PRKCA: variants seen among roughly 807,000 people sequenced by gnomAD.
The protein encoded by PRKCA is protein kinase C alpha type.
PRKCA carries 27 observed loss-of-function variants against 87.0 expected under a neutral mutation model. The observed-to-expected ratio is 0.31, with a 90% CI of 0.23 to 0.43. The LOEUF (loss-of-function observed/expected upper bound fraction) is 0.43. PRKCA is among the 20% of genes least tolerant of loss of function. PRKCA has a pLI of 1.00. For missense variants in PRKCA, 518 were observed against 852.3 expected (o/e 0.61, Z 4.88); for synonymous variants, 329 against 311.1 (o/e 1.06, Z -0.61).
chr17:66,677,271 GT>G (rs1226222891), intron 5 of PRKCA: 1 of 152,122 alleles, frequency 6.6e-6, no homozygotes, highest in African/African-American at 2.4e-5. Context: ...ATAGAGACGA[GT>G]TTTCACCGTG....
At chr17:66,736,783 T>A (rs908607827) in intron 10 of PRKCA, among the ~76,000 whole-genome samples, 4 of 151,982 alleles carry the variant, frequency 2.6e-5, no homozygotes, top group Non-Finnish European at 5.9e-5. Flanking sequence ...CACGTGAAAA[T>A]TAGGTCAAAT....
At chr17:66,515,950 G>T (rs913422548) in intron 3 of PRKCA, among the ~76,000 whole-genome samples, 2 of 151,998 alleles carry the variant, frequency 1.3e-5, no homozygotes, top group Admixed American at 6.6e-5. Context: ...TGTCTAAGTT[G>T]TTTATTTTGT....
In PRKCA at chr17:66,786,894, G is replaced by A. The variant is rs1482134884; in HGVS notation, c.1633G>A (p.Glu545Lys). 5.0e-6 allele frequency: 8 copies of A among 1,613,916 alleles called. No homozygotes were observed. The highest frequency in any genetic ancestry group is 6.8e-6 in the Non-Finnish European group (8 of 1,179,980). The change falls in exon 15 of 17, where the codon GAG (glutamate) becomes AAG (lysine). Residue 545 changes from glutamate to lysine, a missense_variant. By Grantham distance (56) the Glu-to-Lys change is moderately conservative (BLOSUM62 1). This residue lies in a region of PRKCA where 159 missense variants were observed against 232.4 expected (regional missense o/e 0.68). Transcript: ENST00000413366. ...TCCATTTGATGGTGAAGATGAAGAC[G>A]AGCTATTTCAGTCTATCATGGAGCA... ...QPPFDGEDED[E>K]LFQSIMEHNV...
chr17:66,331,006 A>G (rs1906290914), intron 2 of PRKCA, among the ~76,000 whole-genome samples: 1 of 152,248 alleles, frequency 6.6e-6, no homozygotes, highest in South Asian at 2.1e-4. Flanking sequence ...GAGCAACTCC[A>G]TAAATTAACA....
At chr17:66,658,606 G>A (rs1348094125) in intron 5 of PRKCA, among the ~76,000 whole-genome samples, 1 of 152,194 alleles carries the variant, frequency 6.6e-6, no homozygotes, top group Admixed American at 6.5e-5. Context: ...TTTGGGTGGG[G>A]ACACAGCCAA....
intron 2 of PRKCA, among the ~76,000 whole-genome samples, chr17:66,477,428 G>C (rs1030478656): frequency 6.6e-6 from 1 of 152,130 alleles, no homozygotes; most frequent in Non-Finnish European, 1.5e-5. Flanking sequence ...GGCCGAGCGC[G>C]GTGGCTCATA....
intron 3 of PRKCA, among the ~76,000 whole-genome samples, chr17:66,630,507 T>C (rs1425359036): frequency 6.6e-6 from 1 of 152,240 alleles, no homozygotes; most frequent in Non-Finnish European, 1.5e-5. Flanking sequence ...TCAAGAAGCA[T>C]TGACAGACTG....
chr17:66,370,264 C>T (rs1909017378), intron 2 of PRKCA, among the ~76,000 whole-genome samples: 1 of 111,928 alleles, frequency 8.9e-6, no homozygotes, highest in Non-Finnish European at 1.7e-5. Context: ...TGGAGTCTTG[C>T]TCTGTCGCCC....
intron 3 of PRKCA, among the ~76,000 whole-genome samples, chr17:66,594,611 G>T (rs977098929): frequency 4.6e-5 from 7 of 151,270 alleles, no homozygotes; most frequent in Admixed American, 1.3e-4. Context: ...CAACATGTGG[G>T]TTTTTTTTTA....
At chr17:66,735,920 C>CTTTTTTTTTTTTTTTTTTTTTTTCTT (rs5821508) in intron 10 of PRKCA, among the ~76,000 whole-genome samples, 1 of 122,116 alleles carries the variant, frequency 8.2e-6, no homozygotes, top group Non-Finnish European at 1.6e-5. Context: ...TTCTTTCTTT[C>CTTTTTTTTTTTTTTTTTTTTTTTCTT]TTTTTTTTTT....
At chr17:66,706,200 A>T (rs1450593224) in intron 8 of PRKCA, among the ~76,000 whole-genome samples, 1 of 152,230 alleles carries the variant, frequency 6.6e-6, no homozygotes, top group Non-Finnish European at 1.5e-5. Context: ...ACTGATGAGT[A>T]AACAAATTCA....
intron 2 of PRKCA, among the ~76,000 whole-genome samples, chr17:66,412,317 G>C (rs1055391491): frequency 6.6e-6 from 1 of 152,102 alleles, no homozygotes. Context: ...TTGGCCTTCT[G>C]AAGTGCTGGG....
At chr17:66,716,749 C>A (rs1470260216) in intron 8 of PRKCA, among the ~76,000 whole-genome samples, 1 of 152,222 alleles carries the variant, frequency 6.6e-6, no homozygotes, top group Admixed American at 6.5e-5. Flanking sequence ...AAGAACCAAG[C>A]ACTTCGCAGT....
chr17:66,457,177 T>C (rs1233192661), intron 2 of PRKCA, among the ~76,000 whole-genome samples: 1 of 152,208 alleles, frequency 6.6e-6, no homozygotes, highest in Non-Finnish European at 1.5e-5. Context: ...GCCTGTTTTC[T>C]CACCAGTGTT....
At chr17:66,775,771 G>T (rs1975032766) in intron 14 of PRKCA, 2 of 984,540 alleles carry the variant, frequency 2.0e-6, no homozygotes. Flanking sequence ...TTTATTCACT[G>T]AATGCTTACA....
chr17:66,641,368 A>G lies in PRKCA; in HGVS notation c.302A>G (p.Lys101Arg), dbSNP rs766356302. 45 of 1,612,772 alleles carry G rather than the reference A, an allele frequency of 2.8e-5. No individual in the cohort carries two copies. Among genetic ancestry groups the G allele is most frequent in the Non-Finnish European group, 3.6e-5 (43 of 1,179,256 alleles). ...KGPDTDDPRSKHKFKIHTYGS... is the reference protein window; with the variant it reads ...KGPDTDDPRSRHKFKIHTYGS... ...TTCTCCTCCCAGGACCCCAGGAGCAAGCACAAGTTCAAAATCCACACTTAC... is the reference window on the plus strand; with the variant it reads ...TTCTCCTCCCAGGACCCCAGGAGCAGGCACAAGTTCAAAATCCACACTTAC... The change falls in exon 4 of 17, where the codon AAG (lysine) becomes AGG (arginine). Residue 101 changes from lysine to arginine, a missense_variant. Lys to Arg is a conservative substitution (Grantham distance 26). Around this residue, in one of 5 missense-constraint regions of PRKCA, gnomAD observed 300 missense variants for 496.8 expected, o/e 0.60. Coordinates refer to ENST00000413366, the MANE Select transcript of PRKCA (RefSeq NM_002737.3).
chr17:66,712,489 GA>G lies in PRKCA; in HGVS notation c.919-20195del, dbSNP rs35387557. On this transcript the variant is annotated intron_variant, in intron 8 of 16. Transcript: ENST00000413366. ...TGGTGTAAAAAACTCAGATGTGGCT[GA>G]AAAGGGAAGTAATGAGAGGGGAGAA... 4.9e-3 allele frequency among the ~76,000 whole-genome samples: 739 copies of G among 152,340 alleles called. 11 individuals are homozygous for G. Among genetic ancestry groups the G allele is most frequent in the African/African-American group, 0.015 (633 of 41,572 alleles).
rs571763403 is a variant in PRKCA, at chr17:66,743,780, G to A, written c.1524+1020G>A. On this transcript the variant is annotated intron_variant, in intron 13 of 16. Transcript: ENST00000413366. ...GCCCTCAGATGAGCTGTTGGCAGCC[G>A]GTCTCACATTTATTCAACAGATTAC... 5.3e-5 allele frequency among the ~76,000 whole-genome samples: 8 copies of A among 152,198 alleles called. No individual in the cohort carries two copies. The East Asian group carries it at 5.8e-4, about 11-fold the overall frequency.
intron 2 of PRKCA, among the ~76,000 whole-genome samples, chr17:66,467,479 C>T (rs995397113): frequency 8.5e-5 from 13 of 152,204 alleles, no homozygotes; most frequent in African/African-American, 3.1e-4. Flanking sequence ...TGGGCAAACA[C>T]ATTTTTTTTT....
Sources: allele counts gnomAD v4.1 joint callset (sites outside exome capture counted in the v4.1 genomes callset), GRCh38; gene constraint gnomAD v4.1.1; regional missense constraint gnomAD v4.1.1; transcripts MANE v1.5; gene names NCBI Gene and HGNC (gene_info 2026-07-23, HGNC 2026-07-21).